Variants in GABBR2 observed in about 807,000 individuals in gnomAD.
The protein encoded by GABBR2 is gamma-aminobutyric acid type B receptor subunit 2, also known as G-protein coupled receptor 51.
Under a neutral mutation model 105.6 loss-of-function variants are expected in GABBR2, and 23 were observed. The observed-to-expected ratio is 0.22, with a 90% CI of 0.16 to 0.31. The LOEUF (loss-of-function observed/expected upper bound fraction) is 0.31, where lower values mean the gene tolerates loss of function less well. GABBR2 is among the 10% of genes least tolerant of loss of function. The pLI is 1.00. For synonymous variants in GABBR2, 478 were observed against 499.7 expected, an observed-to-expected ratio of 0.96 and a Z score of 0.58; for missense variants, 734 against 1,245.5, an observed-to-expected ratio of 0.59 and a Z score of 6.18.
intron 5 of GABBR2, among the ~76,000 whole-genome samples, chr9:98,474,855 C>T (rs1826755114): frequency 6.6e-6 from 1 of 152,190 alleles, no homozygotes; most frequent in Non-Finnish European, 1.5e-5. Flanking sequence ...GAGGGGCACT[C>T]TCCTCATCCC....
chr9:98,338,421 C>T (rs1365334676), intron 13 of GABBR2, among the ~76,000 whole-genome samples: 1 of 151,970 alleles, frequency 6.6e-6, no homozygotes, highest in Admixed American at 6.6e-5. Flanking sequence ...CTTACAACTC[C>T]ACAAAAAACA....
At chr9:98,344,613 G>A (rs1054108307) in intron 13 of GABBR2, among the ~76,000 whole-genome samples, 2 of 151,968 alleles carry the variant, frequency 1.3e-5, no homozygotes, top group African/African-American at 2.4e-5. Flanking sequence ...CATCTGCCTG[G>A]GGACAGCTCT....
chr9:98,687,124 T>C (rs1323123507), intron 1 of GABBR2, among the ~76,000 whole-genome samples: 1 of 151,530 alleles, frequency 6.6e-6, no homozygotes, highest in Non-Finnish European at 1.5e-5. Flanking sequence ...GTTAAAGCAG[T>C]GAAAACAAAT....
Position 98,290,523 on chromosome 9 carries a change from A to G in GABBR2, c.*61T>C. On this transcript the variant is annotated 3_prime_UTR_variant, in exon 19 of 19. Transcript: ENST00000259455. ...CCAGAGCCGACAGTGTTTCTGCAGC[A>G]GACCCCTCTGCCCAGTGTGGTTCTG... 8.6e-7 allele frequency: 1 copy of G among 1,163,144 alleles called. No homozygotes were observed. The highest frequency in any genetic ancestry group is 1.1e-6 in the Non-Finnish European group (1 of 898,588). 72.1% of individuals were successfully genotyped at this position (1,163,144 alleles called of 1,614,324 possible).
At chr9:98,566,302 TA>T (rs1373506713) in intron 2 of GABBR2, among the ~76,000 whole-genome samples, 7 of 152,228 alleles carry the variant, frequency 4.6e-5, no homozygotes, top group East Asian at 3.9e-4. Flanking sequence ...ACCACTGCCA[TA>T]AAAAAAGCCC....
intron 7 of GABBR2, among the ~76,000 whole-genome samples, chr9:98,438,452 A>C (rs1442316086): frequency 1.3e-5 from 2 of 152,210 alleles, no homozygotes; most frequent in African/African-American, 4.8e-5. Flanking sequence ...AGTCTCTCTG[A>C]TGTATCTGTT....
intron 13 of GABBR2, among the ~76,000 whole-genome samples, chr9:98,355,105 A>T (rs1831462768): frequency 6.6e-6 from 1 of 152,156 alleles, no homozygotes; most frequent in Non-Finnish European, 1.5e-5. Context: ...ATGGAGGAAC[A>T]GTGGGTAGAG....
chr9:98,460,352 G>C (rs368789202), intron 6 of GABBR2, among the ~76,000 whole-genome samples: 2 of 152,066 alleles, frequency 1.3e-5, no homozygotes, highest in Admixed American at 1.3e-4. Context: ...CTCTGGCCTC[G>C]GTGACAGAGC....
intron 3 of GABBR2, among the ~76,000 whole-genome samples, chr9:98,536,970 T>G (rs1347049684): frequency 1.3e-5 from 2 of 152,202 alleles, no homozygotes; most frequent in African/African-American, 4.8e-5. Flanking sequence ...AGAATGGGGC[T>G]ACTTTGAGCT....
At chr9:98,517,261 G>T (rs1272373983) in intron 3 of GABBR2, among the ~76,000 whole-genome samples, 1 of 152,166 alleles carries the variant, frequency 6.6e-6, no homozygotes, top group East Asian at 1.9e-4. Flanking sequence ...CTTGGCTGAG[G>T]TTCCTTTTGC....
intron 1 of GABBR2, among the ~76,000 whole-genome samples, chr9:98,685,742 G>A (rs1830612304): frequency 6.6e-6 from 1 of 152,012 alleles, no homozygotes; most frequent in Non-Finnish European, 1.5e-5. Flanking sequence ...GCCCAGGCTG[G>A]AGTGCAATGG....
intron 10 of GABBR2, among the ~76,000 whole-genome samples, chr9:98,387,454 G>A (rs555653665): frequency 2.0e-5 from 3 of 152,346 alleles, no homozygotes; most frequent in Admixed American, 6.5e-5. Flanking sequence ...CAAGTGCTAA[G>A]AGGTATGTTG....
At chr9:98,673,118 A>G (rs1421310526) in intron 1 of GABBR2, among the ~76,000 whole-genome samples, 3 of 152,224 alleles carry the variant, frequency 2.0e-5, no homozygotes, top group African/African-American at 7.2e-5. Flanking sequence ...GATGGTGACA[A>G]TGTCCACAAG....
At chr9:98,382,655 A>T (rs1284407468) in intron 11 of GABBR2, among the ~76,000 whole-genome samples, 4 of 152,016 alleles carry the variant, frequency 2.6e-5, no homozygotes, top group African/African-American at 9.7e-5. Context: ...CTGTGTCCTA[A>T]AACTTGGGGA....
At chr9:98,572,380 G>T (rs1230550840) in intron 2 of GABBR2, among the ~76,000 whole-genome samples, 1 of 152,188 alleles carries the variant, frequency 6.6e-6, no homozygotes, top group Non-Finnish European at 1.5e-5. Context: ...AGAAACAACT[G>T]ATTACGCATT....
At chr9:98,387,711 G>A (rs1395337956) in intron 10 of GABBR2, among the ~76,000 whole-genome samples, 1 of 152,052 alleles carries the variant, frequency 6.6e-6, no homozygotes, top group Non-Finnish European at 1.5e-5. Context: ...AGGATCGCTT[G>A]AGTCCAGGAG....
intron 1 of GABBR2, among the ~76,000 whole-genome samples, chr9:98,647,098 T>C (rs139375106): frequency 1.1e-3 from 175 of 152,292 alleles, no homozygotes; most frequent in African/African-American, 4.0e-3. Context: ...AGGGTACGCT[T>C]CTAAATAAAT....
intron 6 of GABBR2, among the ~76,000 whole-genome samples, chr9:98,459,337 A>G (rs1311822101): frequency 6.6e-6 from 1 of 152,210 alleles, no homozygotes; most frequent in African/African-American, 2.4e-5. Flanking sequence ...CTGAGAATCC[A>G]TCATTCTGGA....
intron 1 of GABBR2, among the ~76,000 whole-genome samples, chr9:98,659,525 T>TTTTTTTTTTTTTTTTTTTTTTTAAA (rs1830228587): frequency 9.7e-6 from 1 of 103,432 alleles, no homozygotes; most frequent in Non-Finnish European, 1.8e-5. Context: ...TCTTTTCTTT[T>TTTTTTTTTTTTTTTTTTTTTTTAAA]CTTTTTTTTT....
Sources: allele counts gnomAD v4.1 joint callset (sites outside exome capture counted in the v4.1 genomes callset), GRCh38; gene constraint gnomAD v4.1.1; transcripts MANE v1.5; gene names NCBI Gene and HGNC (gene_info 2026-07-23, HGNC 2026-07-21).